FOXJ3: variants seen among roughly 807,000 people sequenced by gnomAD.
FOXJ3 encodes the protein forkhead box J3, also known as forkhead box protein J3.
Under a neutral mutation model 76.1 loss-of-function variants are expected in FOXJ3, and 22 were observed. That is an observed-to-expected ratio of 0.29 (90% confidence interval 0.21 to 0.41). The LOEUF (loss-of-function observed/expected upper bound fraction) is 0.41. Among genes scored for constraint, FOXJ3 ranks in the 10% least tolerant of loss-of-function variants. The pLI, the probability that FOXJ3 is intolerant of heterozygous loss-of-function variation, is 1.00. For synonymous variants in FOXJ3, 269 were observed against 261.2 expected, an observed-to-expected ratio of 1.03 and a Z score of -0.29; for missense variants, 613 against 762.1, an observed-to-expected ratio of 0.80 and a Z score of 2.30.
chr1:42,223,174 T>A (rs1477421367), intron 5 of FOXJ3, among the ~76,000 whole-genome samples: 1 of 152,234 alleles, frequency 6.6e-6, no homozygotes, highest in Non-Finnish European at 1.5e-5. Context: ...ATTACAGGTA[T>A]ATACAGCATT....
At chr1:42,244,893 A>G (rs956974223) in intron 4 of FOXJ3, among the ~76,000 whole-genome samples, 10 of 152,154 alleles carry the variant, frequency 6.6e-5, no homozygotes, top group Non-Finnish European at 1.5e-4. Context: ...CAGTAATTAA[A>G]AGTCTTGGCC....
At chr1:42,320,168 C>T (rs888783329) in intron 1 of FOXJ3, among the ~76,000 whole-genome samples, 1 of 152,122 alleles carries the variant, frequency 6.6e-6, no homozygotes, top group African/African-American at 2.4e-5. Context: ...TGCCTCTTTT[C>T]CTCCATATTT....
chr1:42,196,330 C>G (rs186997026), intron 7 of FOXJ3, among the ~76,000 whole-genome samples: 4 of 152,310 alleles, frequency 2.6e-5, no homozygotes, highest in Non-Finnish European at 4.4e-5. Context: ...ATGTGATAAA[C>G]CCAACCAGCA....
intron 1 of FOXJ3, among the ~76,000 whole-genome samples, chr1:42,317,968 T>C (rs896537832): frequency 6.6e-6 from 1 of 152,226 alleles, no homozygotes; most frequent in Admixed American, 6.5e-5. Flanking sequence ...CCATGTTTCA[T>C]TCTCTGTTAT....
chr1:42,221,769 G>A (rs1323014807), intron 5 of FOXJ3, among the ~76,000 whole-genome samples: 1 of 150,536 alleles, frequency 6.6e-6, no homozygotes, highest in Non-Finnish European at 1.5e-5. Context: ...TAGTTTCCTT[G>A]GAATAGTTTA....
intron 4 of FOXJ3, among the ~76,000 whole-genome samples, chr1:42,236,370 T>C (rs2124498831): frequency 6.6e-6 from 1 of 152,254 alleles, no homozygotes; most frequent in South Asian, 2.1e-4. Flanking sequence ...TTTTCCTTTA[T>C]CTTTTTGTAG....
intron 1 of FOXJ3, among the ~76,000 whole-genome samples, chr1:42,331,044 G>C (rs1656127394): frequency 6.6e-6 from 1 of 152,160 alleles, no homozygotes; most frequent in African/African-American, 2.4e-5. Context: ...GTGAGGGGTT[G>C]GCAGGGTGAA....
chr1:42,234,468 G>C (rs1243848460), intron 4 of FOXJ3, among the ~76,000 whole-genome samples: 1 of 152,192 alleles, frequency 6.6e-6, no homozygotes, highest in Non-Finnish European at 1.5e-5. Flanking sequence ...TGGAGGAGGA[G>C]AGGCGCTCTG....
At chr1:42,324,098 T>C (rs113047980) in intron 1 of FOXJ3, among the ~76,000 whole-genome samples, 940 of 5,404 alleles carry the variant, frequency 0.17, 88 homozygotes, top group East Asian at 0.34. Flanking sequence ...ACTGTATATA[T>C]ACTGTGTATA....
At chr1:42,280,816 T>C (rs2124681431) in intron 2 of FOXJ3, among the ~76,000 whole-genome samples, 1 of 152,300 alleles carries the variant, frequency 6.6e-6, no homozygotes, top group South Asian at 2.1e-4. Context: ...AAGTAATAAG[T>C]ATTCAACAAA....
rs1009051982 is a variant in FOXJ3, at chr1:42,310,740, G to A, written c.44+310C>T. Among the ~76,000 whole-genome samples the A allele has an allele frequency of 2.6e-5, 4 of 152,214 alleles. No individual in the cohort carries two copies. In the East Asian group the frequency reaches 7.7e-4, roughly 29 times the overall value. On this transcript the variant is annotated intron_variant, in intron 2 of 12. Transcript: ENST00000361346. ...GCTGGGAGTACAGATGTGAGCCACCGCGCCCAGCCCAGATTAGTCTTTTTA... is the reference window on the plus strand; with the variant it reads ...GCTGGGAGTACAGATGTGAGCCACCACGCCCAGCCCAGATTAGTCTTTTTA...
At chr1:42,250,566 C>T (rs192687047) in intron 4 of FOXJ3, among the ~76,000 whole-genome samples, 7 of 152,102 alleles carry the variant, frequency 4.6e-5, no homozygotes, top group Middle Eastern at 3.4e-3. Flanking sequence ...TCCAGTAGGC[C>T]GGGCACGTGG....
chr1:42,311,388 A>G (rs1426684731), intron 1 of FOXJ3, among the ~76,000 whole-genome samples: 1 of 152,194 alleles, frequency 6.6e-6, no homozygotes, highest in East Asian at 1.9e-4. Context: ...TGTAACATCT[A>G]AAGAAGCTGA....
chr1:42,184,953 G>A (rs1646404841), intron 11 of FOXJ3, among the ~76,000 whole-genome samples: 1 of 152,110 alleles, frequency 6.6e-6, no homozygotes, highest in Admixed American at 6.5e-5. Flanking sequence ...GCACAGGCGT[G>A]GAGGGGAGAA....
chr1:42,260,635 C>T lies in FOXJ3; in HGVS notation c.444+4480G>A, dbSNP rs569403124. On this transcript the variant is annotated intron_variant, in intron 4 of 12. Coordinates refer to ENST00000361346, the MANE Select transcript of FOXJ3 (RefSeq NM_014947.5). ...AGCCCAGTAGGCTATGAGAGCACCA[C>T]TGCACTGGGCAAAAGGGCAAGATCC... Among the ~76,000 whole-genome samples the T allele has an allele frequency of 3.9e-5, 6 of 152,236 alleles. No homozygotes were observed. In the South Asian group the frequency reaches 1.2e-3, roughly 32 times the overall value.
intron 4 of FOXJ3, among the ~76,000 whole-genome samples, chr1:42,245,110 G>A (rs1433116227): frequency 2.0e-5 from 3 of 150,718 alleles, no homozygotes; most frequent in African/African-American, 7.3e-5. Flanking sequence ...AACCCAGGAG[G>A]CGAAGGTTGC....
At chr1:42,198,274 T>C (rs903778185) in intron 7 of FOXJ3, among the ~76,000 whole-genome samples, 1 of 152,226 alleles carries the variant, frequency 6.6e-6, no homozygotes, top group African/African-American at 2.4e-5. Flanking sequence ...GCAATAATAA[T>C]TTTGCAGAGG....
At chr1:42,267,447 C>T (rs574134061) in intron 3 of FOXJ3, among the ~76,000 whole-genome samples, 1 of 152,148 alleles carries the variant, frequency 6.6e-6, no homozygotes, top group Admixed American at 6.5e-5. Context: ...ACATTACTGA[C>T]AGACAGACTC....
intron 5 of FOXJ3, among the ~76,000 whole-genome samples, chr1:42,206,641 A>G (rs1426700492): frequency 6.6e-6 from 1 of 152,214 alleles, no homozygotes; most frequent in Non-Finnish European, 1.5e-5. Context: ...ACATATTTTG[A>G]GTATACATGT....
Sources: gnomAD v4.1 joint callset for allele counts (sites outside exome capture counted in the v4.1 genomes callset) on GRCh38, gnomAD v4.1.1 for gene constraint, MANE v1.5 for transcripts, NCBI Gene and HGNC (gene_info 2026-07-23, HGNC 2026-07-21) for gene names.